DOC2B: variants seen among roughly 807,000 people sequenced by gnomAD.
DOC2B encodes double C2-like domain-containing protein beta.
In DOC2B, 21 loss-of-function variants were observed where a neutral mutation model predicts 28.9. That is an observed-to-expected ratio of 0.73 (90% CI 0.52 to 1.05). DOC2B has a LOEUF of 1.05. Among genes scored for constraint, DOC2B ranks in the 50% least tolerant of loss-of-function variants. The probability of loss-of-function intolerance (pLI) is 0.00; values close to 1 mark genes in which losing one functional copy is unlikely to be tolerated. For missense variants in DOC2B, 384 were observed against 421.1 expected (o/e 0.91, Z 0.77); for synonymous variants, 194 against 178.1 (o/e 1.09, Z -0.71).
At chr17:176,010 G>C (rs2040365775) in intron 1 of DOC2B, among the ~76,000 whole-genome samples, 1 of 152,232 alleles carries the variant, frequency 6.6e-6, no homozygotes, top group Non-Finnish European at 1.5e-5. Context: ...CTCGGTCACA[G>C]TTTTGAGAGG....
At chr17:148,887 A>C (rs2040043609) in intron 7 of DOC2B, among the ~76,000 whole-genome samples, 1 of 146,130 alleles carries the variant, frequency 6.8e-6, no homozygotes. Flanking sequence ...GGAACCGAGG[A>C]CTCCCCTCAA....
intron 7 of DOC2B, 46 bp from the exon 8 acceptor site, chr17:148,315 C>T: frequency 2.5e-6 from 1 of 398,698 alleles, no homozygotes; most frequent in Admixed American, 4.4e-5. Context: ...GGGCCTGGGC[C>T]TCCGCCGGGG....
rs1458791404 is a variant in DOC2B, at chr17:162,149, G to A, written c.570C>T (p.Asn190=). 2 of 1,551,826 alleles carry A rather than the reference G, an allele frequency of 1.3e-6. No homozygotes were observed. The highest frequency in any genetic ancestry group is 1.7e-6 in the Non-Finnish European group (2 of 1,147,048). ...AAGTGAGGGTCTCGTTCCATGTGGG[G>A]TTCAGAGTGTTACGGAGAGTTTTTG... ...LRTKTLRNTL[N]PTWNETLTYY... Residue 190 remains asparagine, a synonymous_variant, in exon 4 of 9, where the codon AAC becomes AAT. Coordinates refer to ENST00000613549, the MANE Select transcript of DOC2B (RefSeq NM_003585.5).
At chr17:172,645 C>A (rs1207316757) in intron 1 of DOC2B, 29 bp from the exon 2 acceptor site, 3 of 1,530,868 alleles carry the variant, frequency 2.0e-6, no homozygotes, top group East Asian at 2.5e-5. Flanking sequence ...ACAGGTCCCA[C>A]CCTGGCCGCA....
intron 6 of DOC2B, among the ~76,000 whole-genome samples, chr17:149,828 C>A (rs1218253402): frequency 1.3e-5 from 2 of 152,204 alleles, no homozygotes; most frequent in African/African-American, 4.8e-5. Flanking sequence ...TATAAAATAG[C>A]AGATTTATTG....
rs1427885534 is a variant in DOC2B at position 181,117 on chromosome 17, C to T, written c.363G>A (p.Ser121=). ...GCGTGGGAAACTTACTGCAGTCGTC[C>T]GACTCGTAGCCGTCGGCGTCCGGCT... The part of the protein sequence containing the change: ...EDEPDADGYE[S]DDCTALGTLD... The change falls in exon 1 of 9, where the codon TCG becomes TCA. Residue 121 remains serine, a synonymous_variant. Transcript: ENST00000613549. The surrounding 1 kb of genome is among the most constrained non-coding windows in gnomAD (Gnocchi z 7.0). The T allele has an allele frequency of 1.6e-6, 2 of 1,251,146 alleles. No individual in the cohort carries two copies. The highest frequency in any genetic ancestry group is 2.0e-6 in the Non-Finnish European group (2 of 997,622). 77.5% of individuals were successfully genotyped at this position (1,251,146 alleles called of 1,614,324 possible).
intron 1 of DOC2B, among the ~76,000 whole-genome samples, chr17:172,843 C>A (rs1237138554): frequency 2.6e-5 from 4 of 152,196 alleles, no homozygotes; most frequent in Non-Finnish European, 5.9e-5. Context: ...AGCTGAGACC[C>A]AGAGAGGTCA....
intron 5 of DOC2B, among the ~76,000 whole-genome samples, chr17:159,041 T>TAAAAAA (rs112706180): frequency 7.2e-6 from 1 of 139,772 alleles, no homozygotes; most frequent in Non-Finnish European, 1.5e-5. Flanking sequence ...CTCCATCTCA[T>TAAAAAA]AAAAAAAAAA....
At chr17:160,748 C>T (rs2040192078) in intron 5 of DOC2B, among the ~76,000 whole-genome samples, 1 of 152,148 alleles carries the variant, frequency 6.6e-6, no homozygotes, top group African/African-American at 2.4e-5. Flanking sequence ...GGAAGAGGGA[C>T]ATAGAGACCA....
intron 2 of DOC2B, among the ~76,000 whole-genome samples, chr17:165,307 C>A (rs1055039992): frequency 4.6e-5 from 7 of 151,678 alleles, no homozygotes; most frequent in African/African-American, 1.7e-4. Context: ...CACAGTAAGA[C>A]CCTGTCTCTT....
At chr17:169,758 C>G (rs6565713) in intron 2 of DOC2B, among the ~76,000 whole-genome samples, 123,519 of 151,810 alleles carry the variant, frequency 0.81, 50,607 homozygotes, top group East Asian at 0.86. Context: ...GGCCAGCCCT[C>G]CTTCAGCTCA....
intron 1 of DOC2B, among the ~76,000 whole-genome samples, chr17:177,484 A>G (rs1365135159): frequency 2.6e-5 from 4 of 151,696 alleles, no homozygotes; most frequent in Non-Finnish European, 4.4e-5. Flanking sequence ...TGCGAAGAGC[A>G]CCTCCCTTTC....
chr17:170,035 G>A (rs1158529000), intron 2 of DOC2B, among the ~76,000 whole-genome samples: 1 of 152,236 alleles, frequency 6.6e-6, no homozygotes, highest in Non-Finnish European at 1.5e-5. Context: ...GAAGGCCCTG[G>A]TGTCTGGCAT....
At chr17:154,969 T>C (rs1009863448) in intron 6 of DOC2B, among the ~76,000 whole-genome samples, 35 of 152,298 alleles carry the variant, frequency 2.3e-4, no homozygotes, top group Admixed American at 2.0e-3. Flanking sequence ...CCTCAGGTGA[T>C]CCGTGCGCCT....
chr17:174,167 C>T (rs141826231), intron 1 of DOC2B, among the ~76,000 whole-genome samples: 1 of 152,332 alleles, frequency 6.6e-6, no homozygotes, highest in Non-Finnish European at 1.5e-5. Flanking sequence ...TCATCCCCTT[C>T]TAACACGGGT....
rs1005872858 is a variant in DOC2B, at chr17:161,509, T to C, written c.671A>G (p.His224Arg). ...ISVCDEDKFR[H>R]NEFIGETRVP... is the part of the protein sequence containing the mutation. ...ACGTGTCTCCCCGATGAACTCATTG[T>C]GCCGGAATTTGTCCTCGTCACACAC... The change falls in exon 5 of 9, where the codon CAC becomes CGC. Residue 224 changes from histidine (H) to arginine (R), a missense_variant. Transcript: ENST00000613549. 7 of 1,551,616 alleles carry C rather than the reference T, an allele frequency of 4.5e-6. No individual in the cohort carries two copies. In the African/African-American group the frequency reaches 9.6e-5, roughly 21 times the overall value.
At chr17:180,764 G>A (rs944826685) in intron 1 of DOC2B, among the ~76,000 whole-genome samples, 3 of 151,840 alleles carry the variant, frequency 2.0e-5, no homozygotes, top group Non-Finnish European at 2.9e-5. Context: ...CCCTTCCCGG[G>A]AACAAAAGCA....
chr17:160,805 T>G (rs2151465751), intron 5 of DOC2B, among the ~76,000 whole-genome samples: 1 of 152,116 alleles, frequency 6.6e-6, no homozygotes, highest in East Asian at 1.9e-4. Context: ...GCAAATCTGT[T>G]CTGACATAAC....
rs2039994501 is a variant in DOC2B, at chr17:142,860, T to C, written c.*4581A>G. On this transcript the variant is annotated 3_prime_UTR_variant, in exon 9 of 9. Coordinates refer to ENST00000613549, the MANE Select transcript of DOC2B (RefSeq NM_003585.5). ...AAAGAATGATGTACAATAAACTGTA[T>C]TCAACAATTGATCAACATTTTCTAA... 6.6e-6 allele frequency: 1 copy of C among 152,224 alleles called. No homozygotes were observed. Among genetic ancestry groups the C allele is most frequent in the Non-Finnish European group, 1.5e-5 (1 of 68,040 alleles). 9.4% of individuals were successfully genotyped at this position (152,224 alleles called of 1,614,324 possible). A position where few individuals can be genotyped will look rare whatever the true frequency, so the allele number is the denominator to read the frequency against.
Sources: gnomAD v4.1 joint callset for allele counts (sites outside exome capture counted in the v4.1 genomes callset) on GRCh38, gnomAD v4.1.1 for gene constraint, Gnocchi (gnomAD v3.1) non-coding constraint, MANE v1.5 for transcripts, NCBI Gene and HGNC (gene_info 2026-07-23, HGNC 2026-07-21) for gene names.